Variants in ADAM12 observed in about 807,000 individuals in gnomAD.
ADAM12 encodes the protein disintegrin and metalloproteinase domain-containing protein 12.
ADAM12 carries 70 observed loss-of-function variants against 106.4 expected under a neutral mutation model. That is an observed-to-expected ratio of 0.66 (90% confidence interval 0.54 to 0.80). The LOEUF (loss-of-function observed/expected upper bound fraction) is 0.80, where lower values mean the gene tolerates loss of function less well. Among genes scored for constraint, ADAM12 ranks in the 30% least tolerant of loss-of-function variants. The pLI is 0.00. For missense variants in ADAM12, 1,010 were observed against 1,171.9 expected, an observed-to-expected ratio of 0.86 and a Z score of 2.02; for synonymous variants, 420 against 433.5, an observed-to-expected ratio of 0.97 and a Z score of 0.39.
intron 3 of ADAM12, among the ~76,000 whole-genome samples, chr10:126,156,193 T>A (rs1676727): frequency 1.3e-5 from 2 of 151,864 alleles, no homozygotes; most frequent in Non-Finnish European, 2.9e-5. Context: ...AGGGTGATGG[T>A]TGACACAGAA....
chr10:126,155,683 C>G (rs987419564), intron 3 of ADAM12, among the ~76,000 whole-genome samples: 2 of 152,214 alleles, frequency 1.3e-5, no homozygotes, highest in African/African-American at 2.4e-5. Context: ...TTGGGAAAAT[C>G]TCCTGCTTGG....
At chr10:126,094,393 A>T (rs891490526) in intron 10 of ADAM12, among the ~76,000 whole-genome samples, 1 of 152,174 alleles carries the variant, frequency 6.6e-6, no homozygotes, top group Non-Finnish European at 1.5e-5. Context: ...TTATGTTTTT[A>T]CATGACATCT....
At chr10:126,326,383 G>A (rs973214597) in intron 2 of ADAM12, among the ~76,000 whole-genome samples, 6 of 152,058 alleles carry the variant, frequency 3.9e-5, no homozygotes, top group Non-Finnish European at 8.8e-5. Context: ...AATTAGACAG[G>A]GGGTCCTTTC....
chr10:126,052,672 G>T (rs1393181629), intron 14 of ADAM12, among the ~76,000 whole-genome samples: 2 of 152,102 alleles, frequency 1.3e-5, no homozygotes. Flanking sequence ...GGAAGGGGGA[G>T]AGAGAGAGGA....
chr10:126,299,982 T>C (rs1960551222), intron 2 of ADAM12, among the ~76,000 whole-genome samples: 1 of 152,210 alleles, frequency 6.6e-6, no homozygotes, highest in South Asian at 2.1e-4. Flanking sequence ...CATATCACCG[T>C]CAGTCTCTTC....
At chr10:126,310,864 G>C (rs1961052908) in intron 2 of ADAM12, among the ~76,000 whole-genome samples, 1 of 152,036 alleles carries the variant, frequency 6.6e-6, no homozygotes. Context: ...ATATGAAATT[G>C]TGCACTATGA....
intron 3 of ADAM12, among the ~76,000 whole-genome samples, chr10:126,191,388 G>A (rs1413312177): frequency 6.6e-6 from 1 of 152,090 alleles, no homozygotes; most frequent in East Asian, 1.9e-4. Context: ...AGATGGGGGT[G>A]AGCAGCAGGA....
chr10:126,195,112 T>A, intron 3 of ADAM12, among the ~76,000 whole-genome samples: 1 of 150,930 alleles, frequency 6.6e-6, no homozygotes, highest in African/African-American at 2.4e-5. Flanking sequence ...GGCTTGGGGG[T>A]GGAGAGATGT....
At chr10:126,305,202 T>G (rs971634962) in intron 2 of ADAM12, among the ~76,000 whole-genome samples, 1 of 152,108 alleles carries the variant, frequency 6.6e-6, no homozygotes, top group South Asian at 2.1e-4. Flanking sequence ...AGCTCAAAAC[T>G]TGAATCAACC....
intron 1 of ADAM12, among the ~76,000 whole-genome samples, chr10:126,341,712 T>C (rs1340493039): frequency 1.3e-5 from 2 of 152,190 alleles, no homozygotes; most frequent in Non-Finnish European, 2.9e-5. Context: ...TAGCCTGATA[T>C]TTCCTTCTCT....
At chr10:126,317,961 T>G (rs1295582487) in intron 2 of ADAM12, among the ~76,000 whole-genome samples, 1 of 152,180 alleles carries the variant, frequency 6.6e-6, no homozygotes, top group African/African-American at 2.4e-5. Context: ...GAGATCTGTT[T>G]CTTTTATAAT....
chr10:126,019,904 GCA>G, intron 21 of ADAM12, 79 bp from the exon 22 acceptor site: 1 of 1,452,546 alleles, frequency 6.9e-7, no homozygotes, highest in Non-Finnish European at 9.1e-7. Flanking sequence ...CTGCCGCTTG[GCA>G]CAGGCCCTGC....
intron 9 of ADAM12, among the ~76,000 whole-genome samples, chr10:126,100,441 T>C (rs1033603900): frequency 4.6e-5 from 7 of 151,770 alleles, no homozygotes; most frequent in Admixed American, 4.6e-4. Flanking sequence ...CGGTGGCTCA[T>C]GCCTGTAATC....
At position 126,147,439 on chromosome 10, in the gene ADAM12, C is replaced by T. The variant is rs371347375; in HGVS notation, c.339+7788G>A. On this transcript the variant is annotated intron_variant, in intron 4 of 22. Transcript: ENST00000448723. ...TCAAAGCCCAAACATAGTCATGACA[C>T]GCCTTGAGGAAGGCCTTTATTGACC... Among the ~76,000 whole-genome samples the T allele has an allele frequency of 5.3e-5, 8 of 152,278 alleles. No individual in the cohort carries two copies. The South Asian group carries it at 1.4e-3, about 28-fold the overall frequency.
chr10:126,341,038 C>G lies in ADAM12; in HGVS notation c.89-10529G>C, dbSNP rs571703033. Among the ~76,000 whole-genome samples, 355 of 152,182 alleles carry G rather than the reference C, an allele frequency of 2.3e-3. 8 individuals carry two copies. In the South Asian group the frequency reaches 0.024, roughly 10 times the overall value. On this transcript the variant is annotated intron_variant, in intron 1 of 22. Transcript: ENST00000448723. ...CCACAGCCTTTGCATTTGCTGTGCC[C>G]TCTGCATAGAATACCCTACTCTCAA...
chr10:126,385,643 C>T (rs1382588015), intron 1 of ADAM12, among the ~76,000 whole-genome samples: 1 of 151,860 alleles, frequency 6.6e-6, no homozygotes, highest in Non-Finnish European at 1.5e-5. Context: ...GCAAAGTCTT[C>T]TTAGTGCAAA....
intron 3 of ADAM12, among the ~76,000 whole-genome samples, chr10:126,207,354 A>G (rs1419908687): frequency 1.3e-5 from 2 of 152,242 alleles, no homozygotes; most frequent in Non-Finnish European, 2.9e-5. Context: ...CTAAGAAATG[A>G]TCATGCATTG....
intron 3 of ADAM12, among the ~76,000 whole-genome samples, chr10:126,227,133 CCAT>C: frequency 6.6e-6 from 1 of 152,214 alleles, no homozygotes; most frequent in East Asian, 1.9e-4. Flanking sequence ...ATTACCATCA[CCAT>C]CATTATCACC....
chr10:126,225,398 G>T (rs762529165), intron 3 of ADAM12, among the ~76,000 whole-genome samples: 1 of 151,968 alleles, frequency 6.6e-6, no homozygotes, highest in African/African-American at 2.4e-5. Flanking sequence ...CCATTTTGCC[G>T]GTGAGGAAAC....
Sources: allele counts gnomAD v4.1 joint callset (sites outside exome capture counted in the v4.1 genomes callset), GRCh38; gene constraint gnomAD v4.1.1; transcripts MANE v1.5; gene names NCBI Gene and HGNC (gene_info 2026-07-23, HGNC 2026-07-21).